Variants in KSR2 observed in about 807,000 individuals in gnomAD.
The protein encoded by KSR2 is kinase suppressor of ras 2.
Under a neutral mutation model 107.8 loss-of-function variants are expected in KSR2, and 25 were observed. The observed-to-expected ratio is 0.23, with a 90% confidence interval of 0.17 to 0.32. KSR2 has a LOEUF of 0.32. Among genes scored for constraint, KSR2 ranks in the 10% least tolerant of loss-of-function variants. KSR2 has a pLI of 1.00. For synonymous variants in KSR2, 480 were observed against 507.0 expected, an observed-to-expected ratio of 0.95 and a Z score of 0.71; for missense variants, 887 against 1,268.9, an observed-to-expected ratio of 0.70 and a Z score of 4.57.
chr12:117,662,454 C>T (rs1001374594), intron 5 of KSR2, among the ~76,000 whole-genome samples: 1 of 152,168 alleles, frequency 6.6e-6, no homozygotes, highest in African/African-American at 2.4e-5. Flanking sequence ...CTGCCTTCCT[C>T]GACAAACCAG....
intron 1 of KSR2, among the ~76,000 whole-genome samples, chr12:117,954,075 G>C (rs1203457260): frequency 6.6e-6 from 1 of 150,542 alleles, no homozygotes; most frequent in Non-Finnish European, 1.5e-5. Flanking sequence ...GAGCAACAGA[G>C]CAAGACCCTG....
At chr12:117,570,704 A>C (rs975900715) in intron 7 of KSR2, among the ~76,000 whole-genome samples, 3 of 152,222 alleles carry the variant, frequency 2.0e-5, no homozygotes, top group Non-Finnish European at 2.9e-5. Context: ...ATTTGAAAGA[A>C]TTCTCAAGTC....
At chr12:117,802,644 G>T (rs529255571) in intron 3 of KSR2, among the ~76,000 whole-genome samples, 51 of 152,142 alleles carry the variant, frequency 3.4e-4, no homozygotes, top group Non-Finnish European at 5.7e-4. Context: ...CTCTTAGCAG[G>T]CCCCCTGGGA....
At chr12:117,549,911 G>A (rs1056804327) in intron 9 of KSR2, among the ~76,000 whole-genome samples, 3 of 152,168 alleles carry the variant, frequency 2.0e-5, no homozygotes, top group African/African-American at 4.8e-5. Context: ...TCATTAATAC[G>A]TATGGTACTC....
At chr12:117,722,651 T>A (rs629620) in intron 4 of KSR2, among the ~76,000 whole-genome samples, 47,960 of 152,144 alleles carry the variant, frequency 0.32, 7,806 homozygotes, top group Admixed American at 0.36. Flanking sequence ...TTGTTTAGCA[T>A]GTAATCAAGA....
chr12:117,835,588 A>C (rs753146883), intron 3 of KSR2, among the ~76,000 whole-genome samples: 29 of 152,324 alleles, frequency 1.9e-4, no homozygotes, highest in Non-Finnish European at 1.6e-4. Flanking sequence ...TGGAGCGCTT[A>C]GGATCAGTCA....
At chr12:117,697,739 C>CAAA (rs35764451) in intron 4 of KSR2, among the ~76,000 whole-genome samples, 2 of 66,342 alleles carry the variant, frequency 3.0e-5, no homozygotes, top group East Asian at 5.5e-4. Flanking sequence ...GACTCCATCT[C>CAAA]AAAAAAAAAA....
At chr12:117,827,377 C>T (rs1467656125) in intron 3 of KSR2, among the ~76,000 whole-genome samples, 1 of 152,168 alleles carries the variant, frequency 6.6e-6, no homozygotes, top group Non-Finnish European at 1.5e-5. Context: ...CACTTATCTA[C>T]ACAGGGCTGG....
chr12:117,764,959 ACCATAAATGCTAG>A (rs1465684219), intron 3 of KSR2, among the ~76,000 whole-genome samples: 1 of 152,238 alleles, frequency 6.6e-6, no homozygotes, highest in Admixed American at 6.5e-5. Flanking sequence ...CAATAGGTAC[ACCATAAATGCTAG>A]CTACTGGCAT....
intron 5 of KSR2, among the ~76,000 whole-genome samples, chr12:117,664,485 C>A (rs1884572531): frequency 6.6e-6 from 1 of 152,172 alleles, no homozygotes; most frequent in Non-Finnish European, 1.5e-5. Flanking sequence ...GAGTTCTCTT[C>A]TGGAATTCAC....
chr12:117,526,795 G>A lies in KSR2; in HGVS notation c.1851+276C>T, dbSNP rs141164818. Among the ~76,000 whole-genome samples the A allele has an allele frequency of 3.5e-3, 528 of 152,278 alleles. 4 individuals are homozygous for A. Among genetic ancestry groups the A allele is most frequent in the African/African-American group, 9.4e-3 (392 of 41,558 alleles). ...GGCACATCCCCCTTGGTATTCACCCGGCCCTGAGCTGATCTTTCCACTAAG... is the reference window on the plus strand; with the variant it reads ...GGCACATCCCCCTTGGTATTCACCCAGCCCTGAGCTGATCTTTCCACTAAG... On this transcript the variant is annotated intron_variant, in intron 13 of 19. Transcript: ENST00000339824.
At position 117,667,667 on chromosome 12, in the gene KSR2, G is replaced by T; in HGVS notation, c.987-9C>A. ...TGCTCTTCTTCTTGGCTCTGAAAGGGAGACAGAAAAAGAGGAAAAGGAAAT... is the reference window on the plus strand; with the variant it reads ...TGCTCTTCTTCTTGGCTCTGAAAGGTAGACAGAAAAAGAGGAAAAGGAAAT... On this transcript the variant is annotated splice_polypyrimidine_tract_variant and intron_variant, in intron 4 of 19. Transcript: ENST00000339824. 6.4e-7 allele frequency: 1 copy of T among 1,556,238 alleles called. No homozygotes were observed. The highest frequency in any genetic ancestry group is 1.2e-5 in the South Asian group (1 of 80,796).
At chr12:117,516,328 G>A (rs1440410701) in intron 14 of KSR2, among the ~76,000 whole-genome samples, 3 of 152,134 alleles carry the variant, frequency 2.0e-5, no homozygotes, top group Admixed American at 1.3e-4. Context: ...GCTTACAGAG[G>A]TTCAGTAACT....
Position 117,457,374 on chromosome 12 carries a change from T to C in KSR2, c.*9825A>G, listed in dbSNP as rs919032881. ...GGGGACATCTGGCAATGTCTGGAGA[T>C]GGTTTTGGATGTCACACTTTGGATG... On this transcript the variant is annotated 3_prime_UTR_variant, in exon 20 of 20. Transcript: ENST00000339824. The C allele has an allele frequency of 2.0e-5, 3 of 152,172 alleles. No homozygotes were observed. The highest frequency in any genetic ancestry group is 7.2e-5 in the African/African-American group (3 of 41,436). 9.4% of individuals were successfully genotyped at this position (152,172 alleles called of 1,614,324 possible). A position where few individuals can be genotyped will look rare whatever the true frequency, so the allele number is the denominator to read the frequency against.
chr12:117,481,345 G>A (rs1273359949), intron 16 of KSR2, among the ~76,000 whole-genome samples: 1 of 151,948 alleles, frequency 6.6e-6, no homozygotes, highest in Non-Finnish European at 1.5e-5. Context: ...CCTATAGGGA[G>A]GTGATTAAGG....
At chr12:117,790,696 T>C (rs1289515570) in intron 3 of KSR2, among the ~76,000 whole-genome samples, 1 of 152,218 alleles carries the variant, frequency 6.6e-6, no homozygotes, top group East Asian at 1.9e-4. Context: ...TTTGCCAGCT[T>C]GACTTTTGCC....
intron 1 of KSR2, among the ~76,000 whole-genome samples, chr12:117,939,884 T>C (rs1895955746): frequency 6.6e-6 from 1 of 150,478 alleles, no homozygotes; most frequent in African/African-American, 2.5e-5. Context: ...GAGGTTGCAG[T>C]GAGCCAAGAT....
At chr12:117,683,249 TTTC>T (rs1885443212) in intron 4 of KSR2, among the ~76,000 whole-genome samples, 1 of 152,126 alleles carries the variant, frequency 6.6e-6, no homozygotes, top group Non-Finnish European at 1.5e-5. Flanking sequence ...CCTAGAATGT[TTTC>T]TTTTTATTTT....
At chr12:117,947,623 A>C (rs967369420) in intron 1 of KSR2, among the ~76,000 whole-genome samples, 60 of 152,136 alleles carry the variant, frequency 3.9e-4, no homozygotes, top group Non-Finnish European at 6.8e-4. Flanking sequence ...ACTACATAGA[A>C]AAATCCATGG....
Sources: gnomAD v4.1 joint callset for allele counts (sites outside exome capture counted in the v4.1 genomes callset) on GRCh38, gnomAD v4.1.1 for gene constraint, MANE v1.5 for transcripts, NCBI Gene and HGNC (gene_info 2026-07-23, HGNC 2026-07-21) for gene names.